The following PCDHGA4 variants were observed in gnomAD, a reference collection of about 807,000 sequenced individuals.
PCDHGA4 encodes the protein protocadherin gamma-A4.
Under a neutral mutation model 54.6 loss-of-function variants are expected in PCDHGA4, and 38 were observed. The observed-to-expected ratio is 0.70, with a 90% confidence interval of 0.54 to 0.91. The LOEUF (loss-of-function observed/expected upper bound fraction) is 0.91. Among genes scored for constraint, PCDHGA4 ranks in the 40% least tolerant of loss-of-function variants. The probability of loss-of-function intolerance (pLI) is 0.00; values close to 1 mark genes in which losing one functional copy is unlikely to be tolerated. For synonymous variants in PCDHGA4, 511 were observed against 512.9 expected (o/e 1.00, Z 0.05); for missense variants, 1,298 against 1,220.9 (o/e 1.06, Z -0.94).
intron 1 of PCDHGA4, chr5:141,390,879 T>C (rs965843602): frequency 1.3e-5 from 2 of 153,458 alleles, no homozygotes; most frequent in African/African-American, 4.8e-5. Flanking sequence ...TGTGTGTGTG[T>C]GTGTGTGTGA....
At chr5:141,430,781 C>G in intron 1 of PCDHGA4, 8 of 1,510,922 alleles carry the variant, frequency 5.3e-6, no homozygotes, top group Non-Finnish European at 7.1e-6. Context: ...GCGACTGCAC[C>G]GGGACTACAA....
intron 1 of PCDHGA4, among the ~76,000 whole-genome samples, chr5:141,483,522 C>G (rs557644901): frequency 9.3e-6 from 1 of 107,172 alleles, no homozygotes; most frequent in African/African-American, 3.9e-5. Flanking sequence ...TAGATCCTGA[C>G]TAAGGAAGCT....
At chr5:141,464,685 C>A (rs1283627323) in intron 1 of PCDHGA4, among the ~76,000 whole-genome samples, 1 of 152,006 alleles carries the variant, frequency 6.6e-6, no homozygotes, top group Non-Finnish European at 1.5e-5. Flanking sequence ...ATTAAAATTT[C>A]TCTTATTATG....
intron 1 of PCDHGA4, among the ~76,000 whole-genome samples, chr5:141,465,130 AAG>A (rs1277023430): frequency 2.6e-5 from 4 of 151,968 alleles, no homozygotes; most frequent in Non-Finnish European, 5.9e-5. Flanking sequence ...AATTTGTAAA[AAG>A]TTTAGGGGAT....
intron 1 of PCDHGA4, among the ~76,000 whole-genome samples, chr5:141,401,180 A>G (rs1006390606): frequency 2.6e-5 from 4 of 152,196 alleles, no homozygotes; most frequent in Non-Finnish European, 5.9e-5. Context: ...CGTCTCTACT[A>G]AAAATACAAA....
rs369748404 is a variant in PCDHGA4 at position 141,476,671 on chromosome 5, G to A, written c.2515-18136G>A. The A allele has an allele frequency of 6.2e-7, 1 of 1,614,128 alleles. No homozygotes were observed. Among genetic ancestry groups the A allele is most frequent in the Non-Finnish European group, 8.5e-7 (1 of 1,180,056 alleles). On this transcript the variant is annotated intron_variant, in intron 1 of 3. Coordinates refer to ENST00000571252, the MANE Select transcript of PCDHGA4 (RefSeq NM_018917.4). This position sits in a 1 kb window ranked among gnomAD's most constrained non-coding sequence, Gnocchi z 7.6. ...ATGAATACTTTGCGCTTCGCGTGCA[G>A]ACGCGGGAGGACAGCACCAAGTACG...
chr5:141,399,865 C>T, intron 1 of PCDHGA4: 1 of 1,612,866 alleles, frequency 6.2e-7, no homozygotes, highest in African/African-American at 1.3e-5. Flanking sequence ...CGCTGCAGAG[C>T]CCGGCTACCT....
intron 1 of PCDHGA4, chr5:141,423,760 G>A: frequency 1.1e-5 from 3 of 279,660 alleles, no homozygotes; most frequent in Non-Finnish European, 1.1e-5. Flanking sequence ...TGGGGGGGGG[G>A]TGGGGCGGCA....
intron 2 of PCDHGA4, among the ~76,000 whole-genome samples, chr5:141,500,900 C>T (rs1309164700): frequency 4.0e-5 from 6 of 150,642 alleles, no homozygotes; most frequent in South Asian, 2.1e-4. Flanking sequence ...GAGACAGTCT[C>T]GCTCTGTCTC....
chr5:141,419,370 A>T, intron 1 of PCDHGA4: 1 of 1,613,692 alleles, frequency 6.2e-7, no homozygotes, highest in Non-Finnish European at 8.5e-7. Context: ...CTGTCGTCCT[A>T]CGTGTCCGTG....
intron 1 of PCDHGA4, chr5:141,422,396 A>G (rs767394630): frequency 6.3e-6 from 10 of 1,597,278 alleles, no homozygotes; most frequent in Non-Finnish European, 8.5e-6. Flanking sequence ...ATTCCTAACC[A>G]CCTGCCTTTT....
intron 1 of PCDHGA4, chr5:141,421,221 G>A (rs746753262): frequency 6.3e-7 from 1 of 1,576,508 alleles, no homozygotes; most frequent in Non-Finnish European, 8.6e-7. Context: ...TCGGCTTAGA[G>A]CCTGCCATGG....
At chr5:141,454,471 A>C (rs774315258) in intron 1 of PCDHGA4, among the ~76,000 whole-genome samples, 7 of 152,198 alleles carry the variant, frequency 4.6e-5, no homozygotes, top group Non-Finnish European at 7.3e-5. Context: ...CAATGGCATG[A>C]TCTCAGCTCA....
chr5:141,478,826 G>A, intron 1 of PCDHGA4: 2 of 1,439,244 alleles, frequency 1.4e-6, no homozygotes, highest in Non-Finnish European at 1.8e-6. Context: ...AACCAATCTT[G>A]CTAAGGGATG....
chr5:141,393,623 T>A (rs1446921809), intron 1 of PCDHGA4: 2 of 1,613,916 alleles, frequency 1.2e-6, no homozygotes, highest in African/African-American at 2.7e-5. Flanking sequence ...GCGACCCGGA[T>A]GAGGGAATCA....
intron 1 of PCDHGA4, chr5:141,361,582 C>T (rs746722919): frequency 3.1e-6 from 5 of 1,614,022 alleles, no homozygotes; most frequent in Non-Finnish European, 8.5e-7. Context: ...TGACTTGGGC[C>T]CCAGTGGCCA....
intron 1 of PCDHGA4, chr5:141,383,477 A>T: frequency 6.2e-7 from 1 of 1,613,722 alleles, no homozygotes; most frequent in Non-Finnish European, 8.5e-7. Context: ...AAGTACCCGG[A>T]ACTGGTGCTG....
intron 2 of PCDHGA4, among the ~76,000 whole-genome samples, chr5:141,496,189 G>A (rs1362938002): frequency 1.3e-5 from 2 of 152,004 alleles, no homozygotes; most frequent in Admixed American, 6.6e-5. Flanking sequence ...AGCCCCAGCT[G>A]CTCATTTCAA....
rs1170633529 is a variant in PCDHGA4, at chr5:141,355,117, AT to A, written c.14del (p.Leu5TrpfsTer27). 1 of 1,513,660 alleles carries A rather than the reference AT, an allele frequency of 6.6e-7. No homozygotes were observed. Among genetic ancestry groups the A allele is most frequent in the Non-Finnish European group, 8.8e-7 (1 of 1,133,966 alleles). 93.8% of individuals were successfully genotyped at this position (1,513,660 alleles called of 1,614,324 possible). A position where few individuals can be genotyped will look rare whatever the true frequency, so the allele number is the denominator to read the frequency against. On this transcript the variant is annotated frameshift_variant, in exon 1 of 4. Transcript: ENST00000571252. LOFTEE classifies it high-confidence loss of function. ...AGAGCTCTGGCTGTGAATGCACTTT[AT>A]TTTGGACCCAGAAGATCCTGGGGCT... Reference protein sequence around the residue: MHFILDPEDPGAPQ... With the variant: MHFXLDPEDPGAPQ...
Sources: gnomAD v4.1 joint callset for allele counts (sites outside exome capture counted in the v4.1 genomes callset) on GRCh38, gnomAD v4.1.1 for gene constraint, Gnocchi (gnomAD v3.1) non-coding constraint, MANE v1.5 for transcripts, NCBI Gene and HGNC (gene_info 2026-07-23, HGNC 2026-07-21) for gene names.